The following ERBB4 variants were observed in gnomAD, a reference collection of about 807,000 sequenced individuals.
The protein encoded by ERBB4 is erb-b2 receptor tyrosine kinase 4.
A neutral mutation model predicts 158.0 loss-of-function variants in ERBB4; 42 were observed. That is an observed-to-expected ratio of 0.27 (90% CI 0.21 to 0.34). The LOEUF is 0.34. ERBB4 is among the 10% of genes least tolerant of loss of function. The pLI is 1.00. For synonymous variants in ERBB4, 583 were observed against 558.7 expected, an observed-to-expected ratio of 1.04 and a Z score of -0.61; for missense variants, 1,333 against 1,624.1, an observed-to-expected ratio of 0.82 and a Z score of 3.08.
intron 1 of ERBB4, among the ~76,000 whole-genome samples, chr2:212,192,742 C>G (rs1574406058): frequency 6.6e-6 from 1 of 151,764 alleles, no homozygotes; most frequent in East Asian, 1.9e-4. Flanking sequence ...ATTTTTATTC[C>G]CAGCTAGTCC....
At chr2:211,507,786 A>G (rs1228780167) in intron 20 of ERBB4, among the ~76,000 whole-genome samples, 1 of 152,170 alleles carries the variant, frequency 6.6e-6, no homozygotes, top group Non-Finnish European at 1.5e-5. Flanking sequence ...CAAAACAGAT[A>G]TATAGACCAA....
chr2:211,720,790 C>T (rs1435483226), intron 7 of ERBB4, among the ~76,000 whole-genome samples: 2 of 152,208 alleles, frequency 1.3e-5, no homozygotes, highest in African/African-American at 4.8e-5. Flanking sequence ...CATACCAACA[C>T]TGTACTCTTC....
intron 19 of ERBB4, among the ~76,000 whole-genome samples, chr2:211,585,898 G>A (rs917090826): frequency 6.6e-6 from 1 of 152,174 alleles, no homozygotes; most frequent in East Asian, 1.9e-4. Flanking sequence ...AGTAATCTTT[G>A]AAGAAAATAA....
chr2:212,132,755 T>C (rs1278496548), intron 1 of ERBB4, among the ~76,000 whole-genome samples: 8 of 152,088 alleles, frequency 5.3e-5, no homozygotes, highest in Admixed American at 2.0e-4. Context: ...GACTATATAG[T>C]ACATTTTAAA....
At chr2:212,096,247 A>C (rs775301867) in intron 2 of ERBB4, among the ~76,000 whole-genome samples, 9 of 152,014 alleles carry the variant, frequency 5.9e-5, no homozygotes, top group Non-Finnish European at 1.0e-4. Context: ...TCTGAGAAAT[A>C]GGTGTTTATT....
At chr2:211,796,553 T>C (rs551532474) in intron 3 of ERBB4, among the ~76,000 whole-genome samples, 2 of 152,086 alleles carry the variant, frequency 1.3e-5, no homozygotes, top group East Asian at 3.9e-4. Context: ...TGCCCATTAG[T>C]AGTATATGAG....
intron 20 of ERBB4, among the ~76,000 whole-genome samples, chr2:211,548,355 C>A (rs985872660): frequency 6.8e-6 from 1 of 148,056 alleles, no homozygotes; most frequent in Non-Finnish European, 1.5e-5. Flanking sequence ...AAAAAAAAAA[C>A]CTTGGGAGAT....
intron 1 of ERBB4, among the ~76,000 whole-genome samples, chr2:212,267,505 A>T (rs1444541480): frequency 6.6e-6 from 1 of 151,836 alleles, no homozygotes; most frequent in Non-Finnish European, 1.5e-5. Flanking sequence ...CTGCTTTAGT[A>T]GAGAAACTCA....
chr2:211,731,658 T>G lies in ERBB4; in HGVS notation c.623-6464A>C, dbSNP rs2074430517. ...TACCCTCTAGCTCTAAGATTCAAAATTTATTCCTATTAATGATGAAATTGT... is the reference window on the plus strand; with the variant it reads ...TACCCTCTAGCTCTAAGATTCAAAAGTTATTCCTATTAATGATGAAATTGT... On this transcript the variant is annotated intron_variant, in intron 5 of 27. Coordinates refer to ENST00000342788, the MANE Select transcript of ERBB4 (RefSeq NM_005235.3). 2.0e-5 allele frequency among the ~76,000 whole-genome samples: 3 copies of G among 152,148 alleles called. No homozygotes were observed. In the South Asian group the frequency reaches 6.2e-4, roughly 32 times the overall value.
intron 19 of ERBB4, among the ~76,000 whole-genome samples, chr2:211,597,827 T>C (rs1271964240): frequency 1.3e-5 from 2 of 152,174 alleles, no homozygotes; most frequent in African/African-American, 4.8e-5. Context: ...ATTTCATCAA[T>C]AGATTTTTTA....
chr2:211,535,589 A>ATGTGTATGTGTGTGTGTGTG (rs1553561682), intron 20 of ERBB4: 4 of 144,834 alleles, frequency 2.8e-5, no homozygotes, highest in East Asian at 4.1e-4. Flanking sequence ...GAGAGAGTGT[A>ATGTGTATGTGTGTGTGTGTG]TGTGTGTGTG....
intron 19 of ERBB4, among the ~76,000 whole-genome samples, chr2:211,580,580 A>G (rs1398408060): frequency 1.3e-5 from 2 of 151,620 alleles, no homozygotes; most frequent in African/African-American, 4.8e-5. Context: ...CCACTATGTA[A>G]AACAGTGTGG....
intron 3 of ERBB4, among the ~76,000 whole-genome samples, chr2:211,909,393 T>G (rs944420805): frequency 6.6e-6 from 1 of 151,776 alleles, no homozygotes; most frequent in Admixed American, 6.6e-5. Context: ...TCAGGCAATT[T>G]TGTCATCGTG....
chr2:212,159,526 T>C (rs1434782321), intron 1 of ERBB4, among the ~76,000 whole-genome samples: 1 of 151,968 alleles, frequency 6.6e-6, no homozygotes, highest in Non-Finnish European at 1.5e-5. Flanking sequence ...AAAAAGGAAC[T>C]CATCTAAATG....
At chr2:211,887,188 TG>T (rs1241680170) in intron 3 of ERBB4, among the ~76,000 whole-genome samples, 2 of 150,104 alleles carry the variant, frequency 1.3e-5, no homozygotes, top group African/African-American at 4.9e-5. Context: ...GCAATGAAAA[TG>T]AAGAGCTAAT....
At chr2:211,433,830 T>A (rs2063794792) in intron 20 of ERBB4, among the ~76,000 whole-genome samples, 1 of 152,124 alleles carries the variant, frequency 6.6e-6, no homozygotes, top group Admixed American at 6.6e-5. Context: ...TCTCTGTAGC[T>A]GAGACCAACT....
At chr2:211,885,047 T>G (rs2078761414) in intron 3 of ERBB4, among the ~76,000 whole-genome samples, 1 of 152,186 alleles carries the variant, frequency 6.6e-6, no homozygotes, top group African/African-American at 2.4e-5. Context: ...TAAAATGTAT[T>G]GAATTATCTC....
At chr2:212,053,640 A>C (rs1337737506) in intron 2 of ERBB4, among the ~76,000 whole-genome samples, 3 of 152,098 alleles carry the variant, frequency 2.0e-5, no homozygotes, top group African/African-American at 7.2e-5. Flanking sequence ...CAGACTCCTT[A>C]AAGTGGTTCA....
intron 2 of ERBB4, among the ~76,000 whole-genome samples, chr2:212,103,180 C>G (rs148851171): frequency 1.3e-5 from 2 of 152,170 alleles, no homozygotes; most frequent in South Asian, 2.1e-4. Flanking sequence ...TCCTCCTGCC[C>G]CAAAGAGTTA....
Sources: gnomAD v4.1 joint callset for allele counts (sites outside exome capture counted in the v4.1 genomes callset) on GRCh38, gnomAD v4.1.1 for gene constraint, MANE v1.5 for transcripts, NCBI Gene and HGNC (gene_info 2026-07-23, HGNC 2026-07-21) for gene names.